Variants in CLEC16A observed in about 807,000 individuals in gnomAD.
CLEC16A encodes protein CLEC16A.
In CLEC16A, 51 loss-of-function variants were observed where a neutral mutation model predicts 109.5. The observed-to-expected ratio is 0.47, with a 90% CI of 0.37 to 0.59. CLEC16A has a LOEUF of 0.59. Ranked by LOEUF, CLEC16A falls within the 20% of genes least tolerant of loss-of-function variation. CLEC16A has a pLI of 0.00. For missense variants in CLEC16A, 1,339 were observed against 1,394.0 expected (o/e 0.96, Z 0.63); for synonymous variants, 673 against 564.2 (o/e 1.19, Z -2.73).
intron 22 of CLEC16A, among the ~76,000 whole-genome samples, chr16:11,149,479 A>G (rs933590532): frequency 6.6e-6 from 1 of 152,022 alleles, no homozygotes; most frequent in Non-Finnish European, 1.5e-5. Flanking sequence ...AAAAAAATAC[A>G]TGAGTTGATT....
In CLEC16A at chr16:11,158,350, C is replaced by T. The variant is rs539391753; in HGVS notation, c.2642-8038C>T. ...CACGGCAGAGACTGTGGAAAATGCA[C>T]GGGTTGCTTCTCCCGAATCAGCCCT... On this transcript the variant is annotated intron_variant, in intron 22 of 23. Coordinates refer to ENST00000409790, the MANE Select transcript of CLEC16A (RefSeq NM_015226.3). Among the ~76,000 whole-genome samples, 31 of 152,280 alleles carry T rather than the reference C, an allele frequency of 2.0e-4. No individual in the cohort carries two copies. In the East Asian group the frequency reaches 4.0e-3, roughly 20 times the overall value.
intron 17 of CLEC16A, among the ~76,000 whole-genome samples, chr16:11,049,885 G>A (rs575585669): frequency 6.6e-6 from 1 of 152,342 alleles, no homozygotes; most frequent in African/African-American, 2.4e-5. Context: ...AGAGGATTTG[G>A]AGTGGGGGAC....
chr16:11,080,964 T>TGG (rs1380209414), intron 19 of CLEC16A, among the ~76,000 whole-genome samples: 2 of 152,228 alleles, frequency 1.3e-5, no homozygotes, highest in Non-Finnish European at 2.9e-5. Context: ...TGGGCATCTT[T>TGG]GGGGGCTATT....
chr16:11,151,915 G>A lies in CLEC16A; in HGVS notation c.2642-14473G>A, dbSNP rs77498452. Among the ~76,000 whole-genome samples the A allele has an allele frequency of 6.2e-3, 951 of 152,282 alleles. 2 individuals carry two copies. Among genetic ancestry groups the A allele is most frequent in the Non-Finnish European group, 9.6e-3 (654 of 68,016 alleles). On this transcript the variant is annotated intron_variant, in intron 22 of 23. Transcript: ENST00000409790. Reference sequence around the variant, plus strand: ...TAGGGTAGTTCTGAGAGCTGGAGACGGGTGAGGAACCCGGGAAGTGAGAGC... The same window carrying A: ...TAGGGTAGTTCTGAGAGCTGGAGACAGGTGAGGAACCCGGGAAGTGAGAGC...
At chr16:11,020,613 G>A (rs552155489) in intron 12 of CLEC16A, among the ~76,000 whole-genome samples, 8 of 152,354 alleles carry the variant, frequency 5.3e-5, no homozygotes, top group Admixed American at 5.2e-4. Context: ...AAGGACATGG[G>A]TTGCTTCACA....
chr16:11,109,519 C>T (rs1022363342), intron 19 of CLEC16A, among the ~76,000 whole-genome samples: 13 of 152,152 alleles, frequency 8.5e-5, no homozygotes, highest in African/African-American at 2.9e-4. Flanking sequence ...TCCCCAACTC[C>T]GGTGAAAGCC....
chr16:11,151,767 A>G (rs932194361), intron 22 of CLEC16A, among the ~76,000 whole-genome samples: 14 of 152,180 alleles, frequency 9.2e-5, no homozygotes, highest in African/African-American at 3.1e-4. Context: ...GGCAGCCTGC[A>G]CCAGCTCACT....
intron 23 of CLEC16A, among the ~76,000 whole-genome samples, chr16:11,168,743 G>A (rs528671652): frequency 1.0e-3 from 154 of 152,378 alleles, no homozygotes; most frequent in African/African-American, 3.5e-3. Flanking sequence ...GTAGGGATGG[G>A]CCTAACCAGA....
chr16:10,984,255 C>G (rs563133965), intron 10 of CLEC16A, among the ~76,000 whole-genome samples: 2 of 152,246 alleles, frequency 1.3e-5, no homozygotes, highest in Non-Finnish European at 2.9e-5. Context: ...GATGGTCTGG[C>G]CAGGTCATTT....
chr16:10,948,897 T>C (rs2041575461), intron 1 of CLEC16A, among the ~76,000 whole-genome samples: 1 of 152,160 alleles, frequency 6.6e-6, no homozygotes, highest in Non-Finnish European at 1.5e-5. Context: ...GAGCTTCTTT[T>C]CTCAATATTG....
At chr16:11,080,230 T>A (rs1651855741) in intron 19 of CLEC16A, among the ~76,000 whole-genome samples, 1 of 152,184 alleles carries the variant, frequency 6.6e-6, no homozygotes, top group African/African-American at 2.4e-5. Flanking sequence ...AGAGCCCTCC[T>A]CCCTTCAGGC....
intron 23 of CLEC16A, among the ~76,000 whole-genome samples, chr16:11,170,684 T>A (rs924452982): frequency 5.3e-5 from 8 of 152,108 alleles, no homozygotes; most frequent in African/African-American, 1.9e-4. Flanking sequence ...GGCACCCCAC[T>A]CCCTGTCTCA....
intron 11 of CLEC16A, among the ~76,000 whole-genome samples, chr16:11,012,834 C>T (rs756534685): frequency 6.6e-6 from 1 of 152,176 alleles, no homozygotes; most frequent in Non-Finnish European, 1.5e-5. Context: ...CATTTATTGT[C>T]ATGCATTTGT....
chr16:11,064,410 A>G (rs556860976), intron 19 of CLEC16A, among the ~76,000 whole-genome samples: 2 of 152,354 alleles, frequency 1.3e-5, no homozygotes, highest in East Asian at 3.9e-4. Flanking sequence ...AGCCACTGGC[A>G]TCATTGGAGT....
intron 13 of CLEC16A, among the ~76,000 whole-genome samples, chr16:11,038,742 C>T (rs1567228703): frequency 6.6e-6 from 1 of 152,110 alleles, no homozygotes; most frequent in Admixed American, 6.5e-5. Context: ...GTATTGGTGT[C>T]ATTGTATTAG....
intron 19 of CLEC16A, among the ~76,000 whole-genome samples, chr16:11,068,986 CTTTT>C (rs34421150): frequency 8.1e-6 from 1 of 123,466 alleles, no homozygotes. Context: ...GGCTAATTTT[CTTTT>C]TTTTTTTTTT....
chr16:11,059,040 AGT>A (rs1317370268), intron 18 of CLEC16A, among the ~76,000 whole-genome samples: 1 of 152,146 alleles, frequency 6.6e-6, no homozygotes, highest in East Asian at 1.9e-4. Flanking sequence ...CACTTGGTTA[AGT>A]GACACACATG....
Position 11,049,248 on chromosome 16 carries a change from C to T in CLEC16A, c.1866+1906C>T, listed in dbSNP as rs371339386. The stretch of plus-strand genomic sequence containing the variant: ...GTCTCAAACCCCTGACCTCGTGATC[C>T]GCCCGCCTTGGCCTCCCAAAGTGGT... On this transcript the variant is annotated intron_variant, in intron 17 of 23. Transcript: ENST00000409790. Among the ~76,000 whole-genome samples, 30 of 152,178 alleles carry T rather than the reference C, an allele frequency of 2.0e-4. No homozygotes were observed. The South Asian group carries it at 4.2e-3, about 21-fold the overall frequency.
rs1027301646 is a variant in CLEC16A at position 11,180,922 on chromosome 16, A to G, written c.*2232A>G. The G allele has an allele frequency of 6.6e-5, 10 of 152,588 alleles. No individual in the cohort carries two copies. Among genetic ancestry groups the G allele is most frequent in the African/African-American group, 1.2e-4 (5 of 41,466 alleles). 9.5% of individuals were successfully genotyped at this position (152,588 alleles called of 1,614,324 possible). On this transcript the variant is annotated 3_prime_UTR_variant, in exon 24 of 24. Transcript: ENST00000409790. ...TGACTGGGAGGACCAGCGGAGGATA[A>G]AAGACACTGCTCAGGGCAGGGCTTC... is the stretch of plus-strand genomic sequence containing the variant.
Sources: allele counts gnomAD v4.1 joint callset (sites outside exome capture counted in the v4.1 genomes callset), GRCh38; gene constraint gnomAD v4.1.1; transcripts MANE v1.5; gene names NCBI Gene and HGNC (gene_info 2026-07-23, HGNC 2026-07-21).